Variants in OGDH observed in about 807,000 individuals in gnomAD.
The protein encoded by OGDH is oxoglutarate dehydrogenase.
A neutral mutation model predicts 116.6 loss-of-function variants in OGDH; 38 were observed. The ratio of observed to expected loss-of-function variants is 0.33; its 90% confidence interval spans 0.25 to 0.43. The LOEUF (loss-of-function observed/expected upper bound fraction) is 0.43. Among genes scored for constraint, OGDH ranks in the 20% least tolerant of loss-of-function variants. OGDH has a pLI of 1.00. For missense variants in OGDH, 825 were observed against 1,357.2 expected (o/e 0.61, Z 6.16); for synonymous variants, 488 against 533.3 (o/e 0.92, Z 1.17).
At chr7:44,663,641 C>T (rs569546822) in intron 4 of OGDH, among the ~76,000 whole-genome samples, 21 of 152,242 alleles carry the variant, frequency 1.4e-4, no homozygotes, top group African/African-American at 2.2e-4. Context: ...TGGTGGTGCA[C>T]GCCTGTAGTC....
chr7:44,626,907 C>T (rs1479278144), intron 2 of OGDH, among the ~76,000 whole-genome samples: 1 of 152,212 alleles, frequency 6.6e-6, no homozygotes, highest in Non-Finnish European at 1.5e-5. Context: ...TTCATCACTC[C>T]TCTGCCATCC....
intron 1 of OGDH, among the ~76,000 whole-genome samples, chr7:44,621,775 G>A (rs1785018431): frequency 6.6e-6 from 1 of 152,030 alleles, no homozygotes; most frequent in South Asian, 2.1e-4. Flanking sequence ...GGGAGGCTGA[G>A]GCAGGGGAAT....
chr7:44,624,262 A>G, intron 1 of OGDH, 55 bp from the exon 2 acceptor site: 1 of 1,253,946 alleles, frequency 8.0e-7, no homozygotes, highest in Non-Finnish European at 1.1e-6. Context: ...TTGTCTCCTA[A>G]ATACTCATTT....
chr7:44,611,456 T>C (rs1784563440), intron 1 of OGDH, among the ~76,000 whole-genome samples: 1 of 152,018 alleles, frequency 6.6e-6, no homozygotes, highest in Admixed American at 6.6e-5. Flanking sequence ...TTGTATTTTT[T>C]AGTAGAGACG....
intron 4 of OGDH, among the ~76,000 whole-genome samples, chr7:44,663,720 G>T (rs1178238242): frequency 6.6e-6 from 1 of 152,232 alleles, no homozygotes; most frequent in Non-Finnish European, 1.5e-5. Flanking sequence ...GTTGCAGTGA[G>T]CTGAGATGGT....
chr7:44,639,424 G>T (rs1047988530), intron 2 of OGDH, among the ~76,000 whole-genome samples: 1 of 152,168 alleles, frequency 6.6e-6, no homozygotes, highest in Non-Finnish European at 1.5e-5. Context: ...TGGTACTTGG[G>T]CAGGTCTGGC....
chr7:44,624,452 A>T lies in OGDH; in HGVS notation c.109A>T (p.Ile37Phe). ...RPAAARTFQQIRCYSAPVAAE... is the reference protein window; with the variant it reads ...RPAAARTFQQFRCYSAPVAAE... ...AGCAGCAGCTAGGACATTTCAACAG[A>T]TTCGGTGCTATTCTGCACCTGTTGC... The change falls in exon 2 of 23, where the codon ATT becomes TTT. Residue 37 changes from isoleucine to phenylalanine, a missense_variant. By Grantham distance (21) the Ile-to-Phe change is conservative. This residue lies in a region of OGDH where 126 missense variants were observed against 130.4 expected (regional missense o/e 0.97). Transcript: ENST00000222673. 6.2e-7 allele frequency: 1 copy of T among 1,613,802 alleles called. No homozygotes were observed. Among genetic ancestry groups the T allele is most frequent in the Non-Finnish European group, 8.5e-7 (1 of 1,179,964 alleles).
At chr7:44,616,736 CGT>C (rs1784789618) in intron 1 of OGDH, among the ~76,000 whole-genome samples, 1 of 130,796 alleles carries the variant, frequency 7.6e-6, no homozygotes, top group Admixed American at 7.6e-5. Flanking sequence ...CACATATATA[CGT>C]ATATAAGTGT....
At chr7:44,654,098 AC>A (rs1342311140) in intron 4 of OGDH, among the ~76,000 whole-genome samples, 2 of 152,116 alleles carry the variant, frequency 1.3e-5, no homozygotes, top group African/African-American at 4.8e-5. Context: ...CAAGTGATCC[AC>A]CTGCTTTGGT....
intron 1 of OGDH, among the ~76,000 whole-genome samples, chr7:44,620,953 A>G (rs1341422527): frequency 6.6e-6 from 1 of 152,240 alleles, no homozygotes; most frequent in Non-Finnish European, 1.5e-5. Flanking sequence ...GAATGTCTCT[A>G]CCAAATAACG....
At chr7:44,637,679 C>T (rs967628276) in intron 2 of OGDH, among the ~76,000 whole-genome samples, 6 of 151,954 alleles carry the variant, frequency 3.9e-5, no homozygotes, top group Admixed American at 2.0e-4. Flanking sequence ...GACACGATGG[C>T]GGTGCCTGTA....
At chr7:44,680,831 C>A (rs1200495469) in intron 9 of OGDH, among the ~76,000 whole-genome samples, 3 of 152,174 alleles carry the variant, frequency 2.0e-5, no homozygotes, top group Admixed American at 2.0e-4. Context: ...ATGAAAGAGA[C>A]CTGTCCCTGT....
rs1307899570 is a variant in OGDH at position 44,675,957 on chromosome 7, T to C, written c.1027-13T>C. ...CCTTGGCCAGGGTGCAAATTCACTG[T>C]TTACCCCATCAGGGCTCCGGAGATG... On this transcript the variant is annotated splice_polypyrimidine_tract_variant and intron_variant, in intron 8 of 22. Transcript: ENST00000222673. 4 of 1,612,216 alleles carry C rather than the reference T, an allele frequency of 2.5e-6. No homozygotes were observed. The African/African-American group carries it at 5.3e-5, about 22-fold the overall frequency.
intron 19 of OGDH, among the ~76,000 whole-genome samples, chr7:44,700,678 G>A (rs1256433640): frequency 2.0e-5 from 3 of 152,122 alleles, no homozygotes; most frequent in Admixed American, 2.0e-4. Flanking sequence ...TGAAGGGTGA[G>A]TAGAAGTTGA....
At position 44,681,985 on chromosome 7, in the gene OGDH, G is replaced by A. The variant is rs1476809368; in HGVS notation, c.1335+137G>A. The A allele has an allele frequency of 6.0e-6, 7 of 1,159,112 alleles. No individual in the cohort carries two copies. In the Admixed American group the frequency reaches 7.4e-5, roughly 12 times the overall value. The allele number at this position is 1,159,112 out of a possible 1,614,324, so 71.8% of individuals were successfully genotyped here. On this transcript the variant is annotated intron_variant, in intron 10 of 22. Transcript: ENST00000222673. The stretch of plus-strand genomic sequence containing the variant: ...TTAAAAACCAGGTGCAGTGGCTCAC[G>A]CCTGTAATCGTAGCACTTTGGGAAG...
chr7:44,641,984 T>C (rs189904923), intron 2 of OGDH, among the ~76,000 whole-genome samples: 19 of 152,346 alleles, frequency 1.2e-4, no homozygotes, highest in African/African-American at 3.4e-4. Context: ...TTTCCTCTGG[T>C]GGAAATACTG....
intron 4 of OGDH, chr7:44,656,200 G>T: frequency 2.1e-6 from 2 of 950,840 alleles, no homozygotes; most frequent in Non-Finnish European, 3.2e-6. Context: ...GATGGTGTCT[G>T]TGCTACCTGT....
intron 4 of OGDH, among the ~76,000 whole-genome samples, chr7:44,662,037 T>C (rs1408296287): frequency 1.3e-5 from 2 of 152,250 alleles, no homozygotes. Context: ...CCTCCTTTTA[T>C]ATCTCTTTAC....
At chr7:44,645,631 T>G in intron 3 of OGDH, 113 bp downstream of exon 3, 1 of 966,240 alleles carries the variant, frequency 1.0e-6, no homozygotes, top group Non-Finnish European at 1.5e-6. Flanking sequence ...TTATACCTCC[T>G]CAAATACTAG....
Sources: gnomAD v4.1 joint callset for allele counts (sites outside exome capture counted in the v4.1 genomes callset) on GRCh38, gnomAD v4.1.1 for gene constraint, gnomAD v4.1.1 regional missense constraint, MANE v1.5 for transcripts, NCBI Gene and HGNC (gene_info 2026-07-23, HGNC 2026-07-21) for gene names.